C1QTNF7: variants seen among roughly 807,000 people sequenced by gnomAD.
C1QTNF7 encodes the protein complement C1q tumor necrosis factor-related protein 7.
Under a neutral mutation model 19.6 loss-of-function variants are expected in C1QTNF7, and 15 were observed. The observed-to-expected ratio is 0.76, with a 90% CI of 0.51 to 1.18. C1QTNF7 has a LOEUF of 1.18. C1QTNF7 is among the 50% of genes most tolerant of loss of function. The pLI, the probability that C1QTNF7 is intolerant of heterozygous loss-of-function variation, is 0.00. For synonymous variants in C1QTNF7, 142 were observed against 137.5 expected (o/e 1.03, Z -0.23); for missense variants, 324 against 359.7 (o/e 0.90, Z 0.80).
chr4:15,421,221 A>G (rs1395032354), intron 1 of C1QTNF7, among the ~76,000 whole-genome samples: 1 of 152,194 alleles, frequency 6.6e-6, no homozygotes, highest in East Asian at 1.9e-4. Context: ...TCTACTAAAT[A>G]ATAAATGTAA....
chr4:15,371,357 C>T (rs1452071309), intron 1 of C1QTNF7, among the ~76,000 whole-genome samples: 1 of 152,210 alleles, frequency 6.6e-6, no homozygotes, highest in African/African-American at 2.4e-5. Flanking sequence ...GCTAGTCATA[C>T]TGCTGCAGAA....
intron 1 of C1QTNF7, among the ~76,000 whole-genome samples, chr4:15,428,715 G>C (rs1712168025): frequency 6.6e-6 from 1 of 152,096 alleles, no homozygotes; most frequent in South Asian, 2.1e-4. Context: ...AACATAAAAG[G>C]AACTGAGGCA....
At chr4:15,436,103 C>T (rs2108938760) in intron 2 of C1QTNF7, 122 bp downstream of exon 2, 4 of 1,365,784 alleles carry the variant, frequency 2.9e-6, no homozygotes, top group South Asian at 1.5e-5. Context: ...TTTCATTAAT[C>T]GTAACTTACT....
At chr4:15,372,491 A>G (rs1717772078) in intron 1 of C1QTNF7, among the ~76,000 whole-genome samples, 1 of 152,214 alleles carries the variant, frequency 6.6e-6, no homozygotes, top group South Asian at 2.1e-4. Flanking sequence ...TGTTTATGCC[A>G]CCCAGTCTAT....
At chr4:15,389,802 G>C (rs1718487138) in intron 1 of C1QTNF7, among the ~76,000 whole-genome samples, 1 of 152,162 alleles carries the variant, frequency 6.6e-6, no homozygotes, top group Non-Finnish European at 1.5e-5. Flanking sequence ...AAACTGTCTT[G>C]AGAGGCACAG....
chr4:15,369,960 G>T (rs1400361676), intron 1 of C1QTNF7, among the ~76,000 whole-genome samples: 3 of 152,160 alleles, frequency 2.0e-5, no homozygotes, highest in African/African-American at 7.2e-5. Context: ...TTAAAGAACT[G>T]TAAAGAATCT....
At chr4:15,344,879 C>T (rs1716663976) in intron 1 of C1QTNF7, among the ~76,000 whole-genome samples, 1 of 152,194 alleles carries the variant, frequency 6.6e-6, no homozygotes. Context: ...CAACTGTCTA[C>T]CTCTCATGAC....
Position 15,399,251 on chromosome 4 carries a change from A to C in C1QTNF7, c.14-36485A>C, listed in dbSNP as rs1411083957. On this transcript the variant is annotated intron_variant, in intron 1 of 2. Coordinates refer to the C1QTNF7 transcript ENST00000295297. ...CGACTGCAACCAATTATTATTTTAG[A>C]GAGACAGTTAACTTTCTGACCATCA... Among the ~76,000 whole-genome samples the C allele has an allele frequency of 3.3e-5, 5 of 152,216 alleles. No homozygotes were observed. In the East Asian group the frequency reaches 9.7e-4, roughly 29 times the overall value.
chr4:15,354,624 A>T (rs1717065322), intron 1 of C1QTNF7, among the ~76,000 whole-genome samples: 1 of 152,046 alleles, frequency 6.6e-6, no homozygotes, highest in Admixed American at 6.6e-5. Flanking sequence ...TTCACATTGG[A>T]TGGTCTAAAT....
chr4:15,356,998 C>T (rs1220188344), intron 1 of C1QTNF7, among the ~76,000 whole-genome samples: 2 of 144,932 alleles, frequency 1.4e-5, no homozygotes, highest in East Asian at 4.2e-4. Context: ...TGGATTTTAG[C>T]CCTTTGTCAG....
intron 1 of C1QTNF7, among the ~76,000 whole-genome samples, chr4:15,397,959 C>T (rs1718849889): frequency 6.6e-6 from 1 of 152,200 alleles, no homozygotes; most frequent in Non-Finnish European, 1.5e-5. Flanking sequence ...TAAGGCCCAC[C>T]ACTCTCACCT....
chr4:15,364,571 C>G (rs1717445552), intron 1 of C1QTNF7, among the ~76,000 whole-genome samples: 1 of 152,144 alleles, frequency 6.6e-6, no homozygotes, highest in Admixed American at 6.5e-5. Flanking sequence ...ATTATCCATG[C>G]TCTAATAAGA....
chr4:15,432,223 T>C (rs539892674), intron 1 of C1QTNF7, among the ~76,000 whole-genome samples: 23 of 152,250 alleles, frequency 1.5e-4, no homozygotes, highest in Admixed American at 4.6e-4. Flanking sequence ...CCATGTAACA[T>C]GAAGCTTTGG....
chr4:15,340,166 A>C lies in C1QTNF7; in HGVS notation c.-29A>C, dbSNP rs1294300814. The C allele has an allele frequency of 1.9e-6, 3 of 1,551,468 alleles. No individual in the cohort carries two copies. In the Admixed American group the frequency reaches 5.9e-5, roughly 30 times the overall value. On this transcript the variant is annotated 5_prime_UTR_variant, in exon 1 of 3. Coordinates refer to the C1QTNF7 transcript ENST00000295297. ...GGGACAACCAAAGCAAGAAAGCCTC[A>C]TGTTTTGGGGGAAAGTTTGATATCA...
chr4:15,354,111 G>T (rs1221025832), intron 1 of C1QTNF7, among the ~76,000 whole-genome samples: 1 of 152,074 alleles, frequency 6.6e-6, no homozygotes, highest in African/African-American at 2.4e-5. Flanking sequence ...TCTCCAACTA[G>T]GGTACATGAG....
chr4:15,398,008 A>G (rs527267636), intron 1 of C1QTNF7, among the ~76,000 whole-genome samples: 1 of 152,278 alleles, frequency 6.6e-6, no homozygotes, highest in South Asian at 2.1e-4. Flanking sequence ...CCAGACCCAC[A>G]AAGGAACGCA....
intron 1 of C1QTNF7, among the ~76,000 whole-genome samples, chr4:15,430,197 TA>T (rs1712241827): frequency 6.6e-6 from 1 of 152,216 alleles, no homozygotes; most frequent in Non-Finnish European, 1.5e-5. Flanking sequence ...AAATGTGTTT[TA>T]AAAACAAAAA....
At chr4:15,343,482 G>A (rs1716618084) in intron 1 of C1QTNF7, among the ~76,000 whole-genome samples, 1 of 151,534 alleles carries the variant, frequency 6.6e-6, no homozygotes, top group African/African-American at 2.4e-5. Flanking sequence ...GAGGAAAAGT[G>A]TCAGCAAAGC....
intron 1 of C1QTNF7, among the ~76,000 whole-genome samples, chr4:15,353,782 AT>A (rs201315690): frequency 2.6e-5 from 4 of 151,018 alleles, no homozygotes; most frequent in African/African-American, 4.9e-5. Flanking sequence ...AAAAAAAAAA[AT>A]CTGGACAATA....
Sources: gnomAD v4.1 joint callset for allele counts (sites outside exome capture counted in the v4.1 genomes callset) on GRCh38, gnomAD v4.1.1 for gene constraint, MANE v1.5 for transcripts, NCBI Gene and HGNC (gene_info 2026-07-23, HGNC 2026-07-21) for gene names.